The following RPH3AL variants were observed in gnomAD, a reference collection of about 807,000 sequenced individuals.
RPH3AL encodes rabphilin 3A like (without C2 domains).
Under a neutral mutation model 43.1 loss-of-function variants are expected in RPH3AL, and 38 were observed. That is an observed-to-expected ratio of 0.88 (90% CI 0.68 to 1.15). The LOEUF (loss-of-function observed/expected upper bound fraction) is 1.15. RPH3AL is among the 50% of genes most tolerant of loss of function. The pLI, the probability that RPH3AL is intolerant of heterozygous loss-of-function variation, is 0.00. For missense variants in RPH3AL, 462 were observed against 423.2 expected (o/e 1.09, Z -0.81); for synonymous variants, 189 against 176.3 (o/e 1.07, Z -0.57).
At position 281,830 on chromosome 17, in the gene RPH3AL, C is replaced by T. The variant is rs769785640; in HGVS notation, c.376G>A (p.Glu126Lys). 1.9e-5 allele frequency: 31 copies of T among 1,613,990 alleles called. No individual in the cohort carries two copies. The highest frequency in any genetic ancestry group is 8.3e-5 in the Admixed American group (5 of 59,994). The change falls in exon 6 of 10, where the codon GAG (glutamate) becomes AAG (lysine). Residue 126 changes from glutamate to lysine, a missense_variant. Glu to Lys is a moderately conservative substitution (Grantham distance 56). Coordinates refer to ENST00000331302, the MANE Select transcript of RPH3AL (RefSeq NM_006987.4). ...GGCCGCTTCTGGCCAGGGGAGGCCT[C>T]GATCCCACATTTGGTGCAGACTTTC... ...RKKVCTKCGI[E>K]ASPGQKRPLW...
intron 5 of RPH3AL, among the ~76,000 whole-genome samples, chr17:282,798 A>G (rs1463384746): frequency 6.6e-6 from 1 of 152,220 alleles, no homozygotes; most frequent in Non-Finnish European, 1.5e-5. Context: ...CCTGAACGAC[A>G]TGTTACTGTA....
intron 7 of RPH3AL, among the ~76,000 whole-genome samples, chr17:232,582 C>T (rs1402297423): frequency 6.6e-6 from 1 of 152,222 alleles, no homozygotes; most frequent in Non-Finnish European, 1.5e-5. Context: ...GCGTCACCCC[C>T]CTCCCCTCGC....
At chr17:349,284 G>T (rs900349637) in intron 1 of RPH3AL, 6 of 152,132 alleles carry the variant, frequency 3.9e-5, no homozygotes, top group Non-Finnish European at 7.3e-5. Context: ...CTGCCCTGAG[G>T]TCACAGCTCG....
intron 1 of RPH3AL, among the ~76,000 whole-genome samples, chr17:339,898 T>G (rs2151728068): frequency 6.6e-6 from 1 of 152,224 alleles, no homozygotes; most frequent in South Asian, 2.1e-4. Flanking sequence ...TGAAGGGGAT[T>G]GCAGAGGAGA....
rs1175073308 is a variant in RPH3AL at position 215,705 on chromosome 17, G to A, written c.825C>T (p.Gly275=). Reference sequence around the variant, plus strand: ...GGGGTCCCCCTGGCGGGTCAGCAGAGCCTGTCCCCGTCTCACCACTGGCCA... The same window carrying A: ...GGGGTCCCCCTGGCGGGTCAGCAGAACCTGTCCCCGTCTCACCACTGGCCA... The part of the protein sequence containing the change: ...SSLASGETGT[G]SADPPGGPRP... The change falls in exon 9 of 10, where the codon GGC becomes GGT. Residue 275 remains glycine, a synonymous_variant. Coordinates refer to ENST00000331302, the MANE Select transcript of RPH3AL (RefSeq NM_006987.4). This position sits in a 1 kb window ranked among gnomAD's most constrained non-coding sequence, Gnocchi z 4.1. 5.4e-6 allele frequency: 7 copies of A among 1,284,998 alleles called. No homozygotes were observed. The highest frequency in any genetic ancestry group is 6.9e-6 in the Non-Finnish European group (7 of 1,011,436). 79.6% of individuals were successfully genotyped at this position (1,284,998 alleles called of 1,614,324 possible).
At chr17:314,949 T>C (rs1407147137) in intron 5 of RPH3AL, among the ~76,000 whole-genome samples, 1 of 142,224 alleles carries the variant, frequency 7.0e-6, no homozygotes, top group African/African-American at 2.8e-5. Context: ...CTGTAGTCTC[T>C]GTGCTCCACC....
chr17:325,443 C>T (rs2044597103), intron 3 of RPH3AL, among the ~76,000 whole-genome samples: 1 of 152,164 alleles, frequency 6.6e-6, no homozygotes, highest in African/African-American at 2.4e-5. Context: ...ACACTGACCT[C>T]CGGCCAGGGC....
At chr17:347,491 G>A (rs2045261469) in intron 1 of RPH3AL, among the ~76,000 whole-genome samples, 2 of 152,124 alleles carry the variant, frequency 1.3e-5, no homozygotes, top group African/African-American at 4.8e-5. Flanking sequence ...GGCTGAGATG[G>A]GAGGATGGCT....
chr17:297,147 T>C (rs1489603013), intron 5 of RPH3AL, among the ~76,000 whole-genome samples: 1 of 152,166 alleles, frequency 6.6e-6, no homozygotes, highest in African/African-American at 2.4e-5. Context: ...ATTCCAGATA[T>C]AGCTGAACAC....
chr17:297,162 A>C (rs2043203791), intron 5 of RPH3AL, among the ~76,000 whole-genome samples: 1 of 152,150 alleles, frequency 6.6e-6, no homozygotes, highest in Non-Finnish European at 1.5e-5. Flanking sequence ...GAACACGTGG[A>C]GGTTCTTGAG....
At position 253,720 on chromosome 17, in the gene RPH3AL, T is replaced by C. The variant is rs1160373465; in HGVS notation, c.439-6435A>G. Among the ~76,000 whole-genome samples, 13 of 133,334 alleles carry C rather than the reference T, an allele frequency of 9.7e-5. 1 individual carries two copies. Among genetic ancestry groups the C allele is most frequent in the African/African-American group, 3.3e-4 (11 of 33,494 alleles). The allele number at this position is 133,334 out of a possible 152,430, so 87.5% of individuals were successfully genotyped here. On this transcript the variant is annotated intron_variant, in intron 6 of 9. Coordinates refer to ENST00000331302, the MANE Select transcript of RPH3AL (RefSeq NM_006987.4). ...CCTATGAGGGGAGCCGCACGGCGTC[T>C]GTCCTTTTCCATCCCTAGGAACGTG...
intron 9 of RPH3AL, among the ~76,000 whole-genome samples, chr17:214,187 G>A (rs1567555318): frequency 6.6e-6 from 1 of 152,218 alleles, no homozygotes; most frequent in African/African-American, 2.4e-5. Flanking sequence ...ATGCCGGAAG[G>A]AGCAAATGGG....
chr17:272,300 G>A lies in RPH3AL; in HGVS notation c.438+9468C>T, dbSNP rs538217461. Reference sequence around the variant, plus strand: ...AAATCATGCTGCTATAAAGACACATGCACACGTATGTTTATTGCAGCACTA... The same window carrying A: ...AAATCATGCTGCTATAAAGACACATACACACGTATGTTTATTGCAGCACTA... On this transcript the variant is annotated intron_variant, in intron 6 of 9. Transcript: ENST00000331302. Among the ~76,000 whole-genome samples, 254 of 152,144 alleles carry A rather than the reference G, an allele frequency of 1.7e-3. 2 individuals carry two copies. The highest frequency in any genetic ancestry group is 5.8e-3 in the African/African-American group (240 of 41,500).
At chr17:317,047 C>T (rs542814022) in intron 5 of RPH3AL, among the ~76,000 whole-genome samples, 1 of 149,614 alleles carries the variant, frequency 6.7e-6, no homozygotes, top group Admixed American at 6.7e-5. Flanking sequence ...GACCTGTAGT[C>T]TCTGTGCCCC....
In RPH3AL at chr17:257,602, C is replaced by T. The variant is rs368008201; in HGVS notation, c.439-10317G>A. Reference sequence around the variant, plus strand: ...ACTTCCTATGAGGGGAGCTGCACGGCGTCTGTCCTTTTCCATCCCTAGGAA... The same window carrying T: ...ACTTCCTATGAGGGGAGCTGCACGGTGTCTGTCCTTTTCCATCCCTAGGAA... On this transcript the variant is annotated intron_variant, in intron 6 of 9. Coordinates refer to ENST00000331302, the MANE Select transcript of RPH3AL (RefSeq NM_006987.4). Among the ~76,000 whole-genome samples the T allele has an allele frequency of 1.1e-3, 34 of 30,352 alleles. 2 individuals carry two copies. Among genetic ancestry groups the T allele is most frequent in the African/African-American group, 3.0e-3 (15 of 5,058 alleles). 19.9% of individuals were successfully genotyped at this position (30,352 alleles called of 152,430 possible).
At chr17:252,617 G>C (rs1364285229) in intron 6 of RPH3AL, among the ~76,000 whole-genome samples, 1 of 152,096 alleles carries the variant, frequency 6.6e-6, no homozygotes, top group Non-Finnish European at 1.5e-5. Context: ...ACCTCACCGA[G>C]GGACATTTGT....
At chr17:351,351 C>T (rs1192248398) in intron 1 of RPH3AL, among the ~76,000 whole-genome samples, 1 of 152,202 alleles carries the variant, frequency 6.6e-6, no homozygotes, top group Non-Finnish European at 1.5e-5. Flanking sequence ...CCCTCAATAG[C>T]TCCCACTGCC....
intron 6 of RPH3AL, among the ~76,000 whole-genome samples, chr17:273,073 TCAGGGAGAGACCCCAGCGAGGGTG>T: frequency 3.6e-5 from 5 of 140,558 alleles, no homozygotes; most frequent in African/African-American, 7.7e-5. Flanking sequence ...GAGGGCGACG[TCAGGGAGAGACCCCAGCGAGGGTG>T]ACGTCAGGGA....
intron 4 of RPH3AL, 56 bp from the exon 5 acceptor site, chr17:319,605 C>T (rs903671828): frequency 3.8e-6 from 6 of 1,596,806 alleles, no homozygotes; most frequent in African/African-American, 2.7e-5. Context: ...GGCACAGTTG[C>T]ACTGAGGCCC....
Sources: allele counts gnomAD v4.1 joint callset (sites outside exome capture counted in the v4.1 genomes callset), GRCh38; gene constraint gnomAD v4.1.1; non-coding constraint Gnocchi (gnomAD v3.1); transcripts MANE v1.5; gene names NCBI Gene and HGNC (gene_info 2026-07-23, HGNC 2026-07-21).